Variants in PCDHGA10 observed in about 807,000 individuals in gnomAD.
PCDHGA10 encodes the protein protocadherin gamma subfamily A, 10.
In PCDHGA10, 42 loss-of-function variants were observed where a neutral mutation model predicts 59.5. The observed-to-expected ratio is 0.71, with a 90% CI of 0.55 to 0.91. The LOEUF (loss-of-function observed/expected upper bound fraction) is 0.91. Among genes scored for constraint, PCDHGA10 ranks in the 40% least tolerant of loss-of-function variants. The pLI is 0.00. For synonymous variants in PCDHGA10, 511 were observed against 517.2 expected, an observed-to-expected ratio of 0.99 and a Z score of 0.16; for missense variants, 1,111 against 1,198.2, an observed-to-expected ratio of 0.93 and a Z score of 1.07.
chr5:141,480,145 C>A (rs1331658762), intron 1 of PCDHGA10, among the ~76,000 whole-genome samples: 1 of 151,968 alleles, frequency 6.6e-6, no homozygotes, highest in Non-Finnish European at 1.5e-5. Context: ...CAATTATTAG[C>A]CAGCTCCTAG....
In PCDHGA10 at chr5:141,489,637, T is replaced by G. The variant is rs1230531256; in HGVS notation, c.2437-5170T>G. The G allele has an allele frequency of 6.2e-6, 10 of 1,614,032 alleles. No homozygotes were observed. The highest frequency in any genetic ancestry group is 2.7e-5 in the African/African-American group (2 of 74,914). On this transcript the variant is annotated intron_variant, in intron 1 of 3. Transcript: ENST00000398610. The surrounding 1 kb of genome is among the most constrained non-coding windows in gnomAD (Gnocchi z 4.5). The stretch of plus-strand genomic sequence containing the variant: ...GGATCTCAATGACAACTCTCCTAGC[T>G]TTGCCACCCCTGAGCGAGAGATGCG...
rs146719320 is a variant in PCDHGA10, at chr5:141,444,557, A to T, written c.2436+28946A>T. ...TGTGTCTAGTGAGCAAAAGGCACTTATTTGACACTTTTGACTCTTCCTTTC... is the reference window on the plus strand; with the variant it reads ...TGTGTCTAGTGAGCAAAAGGCACTTTTTTGACACTTTTGACTCTTCCTTTC... On this transcript the variant is annotated intron_variant, in intron 1 of 3. Transcript: ENST00000398610. Among the ~76,000 whole-genome samples, 1,352 of 152,248 alleles carry T rather than the reference A, an allele frequency of 8.9e-3. 18 individuals carry two copies. The highest frequency in any genetic ancestry group is 0.031 in the African/African-American group (1,277 of 41,558).
chr5:141,450,006 C>CTATTTTTTT (rs70988802), intron 1 of PCDHGA10, among the ~76,000 whole-genome samples: 8 of 132,970 alleles, frequency 6.0e-5, no homozygotes, highest in African/African-American at 8.4e-5. Context: ...TGCCATGTCT[C>CTATTTTTTT]TTTTTTTTTT....
chr5:141,451,237 A>G (rs1405567593), intron 1 of PCDHGA10, among the ~76,000 whole-genome samples: 1 of 152,198 alleles, frequency 6.6e-6, no homozygotes, highest in Non-Finnish European at 1.5e-5. Context: ...TTATTATCTC[A>G]TAAATTTTGT....
chr5:141,486,140 C>T lies in PCDHGA10; in HGVS notation c.2437-8667C>T, dbSNP rs759476505. On this transcript the variant is annotated intron_variant, in intron 1 of 3. Coordinates refer to ENST00000398610, the MANE Select transcript of PCDHGA10 (RefSeq NM_018913.3). The surrounding 1 kb of genome is among the most constrained non-coding windows in gnomAD (Gnocchi z 5.0). ...TTACTATGAATTTGATGTGCGGGCT[C>T]GCGATGGGGGTTCTCCAGCCATGGA... 1 of 1,614,164 alleles carries T rather than the reference C, an allele frequency of 6.2e-7. No individual in the cohort carries two copies. The highest frequency in any genetic ancestry group is 1.3e-5 in the African/African-American group (1 of 75,030).
Position 141,486,683 on chromosome 5 carries a change from G to T in PCDHGA10, c.2437-8124G>T. The T allele has an allele frequency of 6.2e-7, 1 of 1,614,092 alleles. No homozygotes were observed. Among genetic ancestry groups the T allele is most frequent in the Non-Finnish European group, 8.5e-7 (1 of 1,180,026 alleles). ...GGAGCCCAGGAATCGAGATGTATCA[G>T]CTTCCTCTTTCATCTCTCTGAACCC... On this transcript the variant is annotated intron_variant, in intron 1 of 3. Transcript: ENST00000398610. This position sits in a 1 kb window ranked among gnomAD's most constrained non-coding sequence, Gnocchi z 5.0.
Position 141,415,740 on chromosome 5 carries a change from G to GTTTTTT in PCDHGA10, c.2436+156_2436+161dup, listed in dbSNP as rs57426385. ...TGAGTAGAATTTGATGTTTATTAAGGTTTTTTTTTTTTTTTTTTTTTTTTT... is the reference window on the plus strand; with the variant it reads ...TGAGTAGAATTTGATGTTTATTAAGGTTTTTTTTTTTTTTTTTTTTTTTTTTTTTTT... On this transcript the variant is annotated intron_variant, in intron 1 of 3. Transcript: ENST00000398610. 6.6e-4 allele frequency: 412 copies of GTTTTTT among 624,836 alleles called. 3 individuals carry two copies. The highest frequency in any genetic ancestry group is 1.2e-3 in the African/African-American group (49 of 39,912). The allele number at this position is 624,836 out of a possible 1,614,324, so 38.7% of individuals were successfully genotyped here.
intron 1 of PCDHGA10, chr5:141,478,773 T>C (rs975950601): frequency 1.3e-6 from 2 of 1,496,766 alleles, no homozygotes; most frequent in African/African-American, 2.8e-5. Context: ...GACTCATCTG[T>C]GGACCTAATT....
At chr5:141,416,004 A>G (rs1225801773) in intron 1 of PCDHGA10, 2 of 254,264 alleles carry the variant, frequency 7.9e-6, no homozygotes, top group Non-Finnish European at 1.4e-5. Flanking sequence ...CAGGTCTGGT[A>G]AGAATAGGTA....
chr5:141,419,465 G>T, intron 1 of PCDHGA10: 2 of 1,612,542 alleles, frequency 1.2e-6, no homozygotes, highest in Non-Finnish European at 1.7e-6. Context: ...GCAGGCCCGC[G>T]ACCAGGGCTC....
In PCDHGA10 at chr5:141,431,320, C is replaced by A. The variant is rs993831541; in HGVS notation, c.2436+15709C>A. ...CCCTCATCGTGCAAAATGGAGCCGA[C>A]GGTAGTAAGTACCCCGAATTGGTGC... On this transcript the variant is annotated intron_variant, in intron 1 of 3. Transcript: ENST00000398610. This position sits in a 1 kb window ranked among gnomAD's most constrained non-coding sequence, Gnocchi z 4.8. 1 of 1,614,102 alleles carries A rather than the reference C, an allele frequency of 6.2e-7. No individual in the cohort carries two copies. The highest frequency in any genetic ancestry group is 1.7e-5 in the Admixed American group (1 of 60,032).
At chr5:141,418,066 C>T (rs777602456) in intron 1 of PCDHGA10, 1 of 1,613,980 alleles carries the variant, frequency 6.2e-7, no homozygotes, top group Non-Finnish European at 8.5e-7. Flanking sequence ...TGCGAGTGAG[C>T]GCGGAGAAGC....
chr5:141,431,178 TAA>T lies in PCDHGA10; in HGVS notation c.2436+15571_2436+15572del. On this transcript the variant is annotated intron_variant, in intron 1 of 3. Transcript: ENST00000398610. This position sits in a 1 kb window ranked among gnomAD's most constrained non-coding sequence, Gnocchi z 4.8. ...TACTTTCGTGAAAGTGAATTAGAAA[TAA>T]AAATTAGTGAAAATGCAGCCACTGA... is the stretch of plus-strand genomic sequence containing the variant. 1 of 1,614,078 alleles carries T rather than the reference TAA, an allele frequency of 6.2e-7. No homozygotes were observed. Among genetic ancestry groups the T allele is most frequent in the Non-Finnish European group, 8.5e-7 (1 of 1,180,000 alleles).
chr5:141,456,020 C>T (rs2098840631), intron 1 of PCDHGA10, among the ~76,000 whole-genome samples: 1 of 151,834 alleles, frequency 6.6e-6, no homozygotes, highest in South Asian at 2.1e-4. Flanking sequence ...GCCTCAGCCT[C>T]CCGAGTAGCT....
At position 141,486,243 on chromosome 5, in the gene PCDHGA10, G is replaced by A. The variant is rs754924567; in HGVS notation, c.2437-8564G>A. 18 of 1,614,156 alleles carry A rather than the reference G, an allele frequency of 1.1e-5. No individual in the cohort carries two copies. The highest frequency in any genetic ancestry group is 1.4e-5 in the Non-Finnish European group (16 of 1,180,018). ...TACATCACAGTGACCTCAGAGCTTG[G>A]AACCCTCCCCGAGAGTGCAGAACCT... On this transcript the variant is annotated intron_variant, in intron 1 of 3. Coordinates refer to ENST00000398610, the MANE Select transcript of PCDHGA10 (RefSeq NM_018913.3). This position sits in a 1 kb window ranked among gnomAD's most constrained non-coding sequence, Gnocchi z 5.0.
At position 141,432,015 on chromosome 5, in the gene PCDHGA10, A is replaced by G. The variant is rs745405194; in HGVS notation, c.2436+16404A>G. 6.2e-7 allele frequency: 1 copy of G among 1,614,196 alleles called. No individual in the cohort carries two copies. Among genetic ancestry groups the G allele is most frequent in the Admixed American group, 1.7e-5 (1 of 60,032 alleles). On this transcript the variant is annotated intron_variant, in intron 1 of 3. Coordinates refer to ENST00000398610, the MANE Select transcript of PCDHGA10 (RefSeq NM_018913.3). The surrounding 1 kb of genome is among the most constrained non-coding windows in gnomAD (Gnocchi z 6.0). ...GATAGGGAACAGGTTCCTAGCTACA[A>G]CATCACAGTGACCGCCACTGACCGG...
intron 1 of PCDHGA10, among the ~76,000 whole-genome samples, chr5:141,435,783 G>A (rs1273339025): frequency 6.6e-6 from 1 of 152,124 alleles, no homozygotes; most frequent in Non-Finnish European, 1.5e-5. Context: ...TAAAGGTGCA[G>A]GGAAACATAA....
At position 141,476,580 on chromosome 5, in the gene PCDHGA10, C is replaced by T. The variant is rs1463314107; in HGVS notation, c.2437-18227C>T. 6 of 1,614,126 alleles carry T rather than the reference C, an allele frequency of 3.7e-6. No homozygotes were observed. Among genetic ancestry groups the T allele is most frequent in the Non-Finnish European group, 5.1e-6 (6 of 1,180,052 alleles). The stretch of plus-strand genomic sequence containing the variant: ...GCCGTGGCTCCGGGGACGCGCTTTC[C>T]GCTCGAGAGCGCGCACGATCCCGAT... On this transcript the variant is annotated intron_variant, in intron 1 of 3. Transcript: ENST00000398610. This position sits in a 1 kb window ranked among gnomAD's most constrained non-coding sequence, Gnocchi z 7.6.
Position 141,486,544 on chromosome 5 carries a change from G to C in PCDHGA10, c.2437-8263G>C, listed in dbSNP as rs1376583724. Reference sequence around the variant, plus strand: ...ATGATAATCCACCCTCTTTCTTTCAGAGGTCACATGAGGTGTTTGTTCCTG... The same window carrying C: ...ATGATAATCCACCCTCTTTCTTTCACAGGTCACATGAGGTGTTTGTTCCTG... On this transcript the variant is annotated intron_variant, in intron 1 of 3. Coordinates refer to ENST00000398610, the MANE Select transcript of PCDHGA10 (RefSeq NM_018913.3). The surrounding 1 kb of genome is among the most constrained non-coding windows in gnomAD (Gnocchi z 5.0). The C allele has an allele frequency of 6.2e-7, 1 of 1,613,964 alleles. No homozygotes were observed. The highest frequency in any genetic ancestry group is 1.3e-5 in the African/African-American group (1 of 74,932).
Sources: gnomAD v4.1 joint callset for allele counts (sites outside exome capture counted in the v4.1 genomes callset) on GRCh38, gnomAD v4.1.1 for gene constraint, Gnocchi (gnomAD v3.1) non-coding constraint, MANE v1.5 for transcripts, NCBI Gene and HGNC (gene_info 2026-07-23, HGNC 2026-07-21) for gene names.